Variants in TNS2 observed in about 807,000 individuals in gnomAD.
TNS2 encodes tensin-2.
In TNS2, 77 loss-of-function variants were observed where a neutral mutation model predicts 155.7. The observed-to-expected ratio is 0.49, with a 90% CI of 0.41 to 0.60. The LOEUF (loss-of-function observed/expected upper bound fraction) is 0.60, where lower values mean the gene tolerates loss of function less well. Ranked by LOEUF, TNS2 falls within the 20% of genes least tolerant of loss-of-function variation. The pLI, the probability that TNS2 is intolerant of heterozygous loss-of-function variation, is 0.00. For missense variants in TNS2, 1,703 were observed against 1,868.8 expected, an observed-to-expected ratio of 0.91 and a Z score of 1.64; for synonymous variants, 726 against 763.9, an observed-to-expected ratio of 0.95 and a Z score of 0.82.
At chr12:53,054,607 T>G (rs1023861657) in intron 7 of TNS2, among the ~76,000 whole-genome samples, 166 bp downstream of exon 7, 2 of 152,164 alleles carry the variant, frequency 1.3e-5, no homozygotes, top group Admixed American at 6.5e-5. Flanking sequence ...GAGCGGAGAA[T>G]CCTGGAACGC....
chr12:53,053,527 G>A, intron 4 of TNS2, 78 bp downstream of exon 4: 3 of 1,570,166 alleles, frequency 1.9e-6, no homozygotes, highest in Non-Finnish European at 2.6e-6. Context: ...CTCCAGAGAG[G>A]GCCCCCAGGA....
At chr12:53,047,876 C>T (rs1331777187), upstream of TNS2, among the ~76,000 whole-genome samples, 1 of 152,194 alleles carries the variant, frequency 6.6e-6, no homozygotes, top group Non-Finnish European at 1.5e-5. Flanking sequence ...GAGCCGCCGC[C>T]CTCCCTCGCT....
Position 53,059,566 on chromosome 12 carries a change from G to T in TNS2, c.1925G>T (p.Arg642Leu). The T allele has an allele frequency of 6.3e-7, 1 of 1,598,156 alleles. No homozygotes were observed. ...GYAEASMEKRRLCRSLSEGLY... is the reference protein window; with the variant it reads ...GYAEASMEKRLLCRSLSEGLY... Reference sequence around the variant, plus strand: ...GCCGAGGCCTCGATGGAGAAGAGGCGCCTCTGCCGATCGCTGTCAGAGGGG... The same window carrying T: ...GCCGAGGCCTCGATGGAGAAGAGGCTCCTCTGCCGATCGCTGTCAGAGGGG... The change falls in exon 18 of 29, where the codon CGC becomes CTC. Residue 642 changes from arginine (R) to leucine (L), a missense_variant. By Grantham distance (102) the Arg-to-Leu change is moderately radical. Transcript: ENST00000314250. This position sits in a 1 kb window ranked among gnomAD's most constrained non-coding sequence, Gnocchi z 4.7.
In TNS2 at chr12:53,058,109, G is replaced by A. The variant is rs1465081112; in HGVS notation, c.1095+7G>A. 5 of 1,614,186 alleles carry A rather than the reference G, an allele frequency of 3.1e-6. No homozygotes were observed. The highest frequency in any genetic ancestry group is 1.3e-5 in the African/African-American group (1 of 75,046). On this transcript the variant is annotated splice_region_variant and intron_variant, in intron 14 of 28. Transcript: ENST00000314250. Reference sequence around the variant, plus strand: ...CCTCAAAGGCGATGTCATGGTGAGGGGGGTCCTGTCAACAAGAAGAATCCT... The same window carrying A: ...CCTCAAAGGCGATGTCATGGTGAGGAGGGTCCTGTCAACAAGAAGAATCCT...
rs1944474652 is a variant in TNS2 at position 53,064,232 on chromosome 12, G to A, written c.*350G>A. On this transcript the variant is annotated 3_prime_UTR_variant, in exon 29 of 29. Coordinates refer to ENST00000314250, the MANE Select transcript of TNS2 (RefSeq NM_170754.4). ...CCCTGCCAGTTCCACCCAGCTGCAG[G>A]TGCCAGCACGGCAGGGATGGGAGAG... 1.1e-5 allele frequency: 3 copies of A among 261,966 alleles called. No individual in the cohort carries two copies. The highest frequency in any genetic ancestry group is 2.2e-5 in the Non-Finnish European group (3 of 137,324). The allele number at this position is 261,966 out of a possible 1,614,324, so 16.2% of individuals were successfully genotyped here.
Position 53,058,624 on chromosome 12 carries a change from C to G in TNS2, c.1278C>G (p.Pro426=). Residue 426 remains proline (P), a synonymous_variant, in exon 16 of 29, where the codon CCC becomes CCG. Coordinates refer to ENST00000314250, the MANE Select transcript of TNS2 (RefSeq NM_170754.4). The part of the protein sequence containing the change: ...ASVEFVFSSS[P]EKIKGSTPRN... ...TGGAGTTTGTCTTCTCCTCCAGCCC[C>G]GAGAAGATCAAAGGTAAGAGCAGGG... The G allele has an allele frequency of 6.2e-7, 1 of 1,614,100 alleles. No individual in the cohort carries two copies. Among genetic ancestry groups the G allele is most frequent in the East Asian group, 2.2e-5 (1 of 44,882 alleles).
upstream of TNS2, among the ~76,000 whole-genome samples, chr12:53,047,737 C>T (rs1279361297): frequency 1.3e-5 from 2 of 152,172 alleles, no homozygotes; most frequent in Non-Finnish European, 2.9e-5. Flanking sequence ...GAACGTTTTC[C>T]TTTCCTGCTT....
At chr12:53,057,208 C>A in intron 11 of TNS2, 112 bp downstream of exon 11, 4 of 1,204,582 alleles carry the variant, frequency 3.3e-6, no homozygotes, top group South Asian at 1.4e-5. Flanking sequence ...AAGCGCCGTG[C>A]CAGGTGCTGA....
At position 53,060,462 on chromosome 12, in the gene TNS2, G is replaced by A. The variant is rs767516807; in HGVS notation, c.2675G>A (p.Arg892Gln). ...EGPSGHSTLP[R>Q]SPRDAPCSAS... ...CCCAGTGGGCACAGCACACTGCCTCGGTCTCCCCGAGATGCCCCATGCAGT... is the reference window on the plus strand; with the variant it reads ...CCCAGTGGGCACAGCACACTGCCTCAGTCTCCCCGAGATGCCCCATGCAGT... The change falls in exon 19 of 29, where the codon CGG (arginine) becomes CAG (glutamine). Residue 892 changes from arginine to glutamine, a missense_variant. By Grantham distance (43) the Arg-to-Gln change is conservative. Coordinates refer to ENST00000314250, the MANE Select transcript of TNS2 (RefSeq NM_170754.4). This position sits in a 1 kb window ranked among gnomAD's most constrained non-coding sequence, Gnocchi z 6.1. 4.5e-5 allele frequency: 73 copies of A among 1,613,550 alleles called. No homozygotes were observed. In the Admixed American group the frequency reaches 6.2e-4, roughly 14 times the overall value.
chr12:53,054,042 C>A (rs1944037406), intron 6 of TNS2, 28 bp downstream of exon 6: 1 of 1,613,760 alleles, frequency 6.2e-7, no homozygotes, highest in African/African-American at 1.3e-5. Flanking sequence ...GGTGGTCCCA[C>A]GTGACCCCCT....
chr12:53,049,143 C>A, upstream of TNS2: 2 of 1,555,308 alleles, frequency 1.3e-6, no homozygotes, highest in Non-Finnish European at 1.7e-6. Flanking sequence ...GCCGGAGGCC[C>A]ATGGATGGGG....
intron 2 of TNS2, 75 bp downstream of exon 2, chr12:53,052,038 T>C: frequency 1.7e-6 from 2 of 1,210,416 alleles, no homozygotes; most frequent in Non-Finnish European, 2.4e-6. Context: ...GCAGGCCAGC[T>C]CACACAATCT....
chr12:53,061,506 A>C (rs1944384868), intron 21 of TNS2, 37 bp downstream of exon 21: 1 of 1,604,206 alleles, frequency 6.2e-7, no homozygotes, highest in Non-Finnish European at 8.5e-7. Flanking sequence ...ACTGCATCCC[A>C]CCTTCCAGGG....
At position 53,058,640 on chromosome 12, in the gene TNS2, A is replaced by G. The variant is rs776340459; in HGVS notation, c.1291+3A>G. On this transcript the variant is annotated splice_donor_region_variant and intron_variant, in intron 16 of 28. Transcript: ENST00000314250. The stretch of plus-strand genomic sequence containing the variant: ...CTCCAGCCCCGAGAAGATCAAAGGT[A>G]AGAGCAGGGACATGGGCTGGGGACT... The G allele has an allele frequency of 6.2e-7, 1 of 1,614,010 alleles. No individual in the cohort carries two copies. Among genetic ancestry groups the G allele is most frequent in the Non-Finnish European group, 8.5e-7 (1 of 1,179,956 alleles).
Position 53,057,615 on chromosome 12 carries a change from C to T in TNS2, c.894C>T (p.Asn298=). Residue 298 remains asparagine, a synonymous_variant, in exon 12 of 29, where the codon AAC becomes AAT. Transcript: ENST00000314250. Reference sequence around the variant, plus strand: ...TGCTATCTGGCTCCATCAGAATGAACAGCAGCCCTCTCTTCCTGCACTATG... The same window carrying T: ...TGCTATCTGGCTCCATCAGAATGAATAGCAGCCCTCTCTTCCTGCACTATG... The part of the protein sequence containing the change: ...SGLLSGSIRM[N]SSPLFLHYVL... The T allele has an allele frequency of 6.2e-7, 1 of 1,613,986 alleles. No individual in the cohort carries two copies. Among genetic ancestry groups the T allele is most frequent in the Non-Finnish European group, 8.5e-7 (1 of 1,179,904 alleles).
In TNS2 at chr12:53,059,410, G is replaced by A. The variant is rs762371332; in HGVS notation, c.1769G>A (p.Arg590His). ...CCAGGCCATAGGCCTGGCCTCAGCC[G>A]CCACTGCTCCTGCCGCCAGGGCTAC... ...VYPGHRPGLSRHCSCRQGYRE... is the reference protein window; with the variant it reads ...VYPGHRPGLSHHCSCRQGYRE... The change falls in exon 18 of 29, where the codon CGC (arginine) becomes CAC (histidine). Residue 590 changes from arginine (R) to histidine (H), a missense_variant. By Grantham distance (29) the Arg-to-His change is conservative (BLOSUM62 0). Transcript: ENST00000314250. This position sits in a 1 kb window ranked among gnomAD's most constrained non-coding sequence, Gnocchi z 4.7. 51 of 1,473,596 alleles carry A rather than the reference G, an allele frequency of 3.5e-5. 1 individual carries two copies. The highest frequency in any genetic ancestry group is 1.4e-4 in the South Asian group (10 of 70,920). The allele number at this position is 1,473,596 out of a possible 1,614,324, so 91.3% of individuals were successfully genotyped here. A position where few individuals can be genotyped will look rare whatever the true frequency, so the allele number is the denominator to read the frequency against.
In TNS2 at chr12:53,060,769, G is replaced by C. The variant is rs767484417; in HGVS notation, c.2863G>C (p.Gly955Arg). 19 of 1,612,088 alleles carry C rather than the reference G, an allele frequency of 1.2e-5. No homozygotes were observed. Among genetic ancestry groups the C allele is most frequent in the Admixed American group, 1.7e-5 (1 of 59,894 alleles). The change falls in exon 20 of 29, where the codon GGA becomes CGA. Residue 955 changes from glycine to arginine, a missense_variant. By Grantham distance (125) the Gly-to-Arg change is moderately radical. Transcript: ENST00000314250. This position sits in a 1 kb window ranked among gnomAD's most constrained non-coding sequence, Gnocchi z 6.1. Reference sequence around the variant, plus strand: ...GCCCCCTGTTTCCCAGGCAGGCACCGGAAAGGCCCCTGAGCTGCCGTCGGG... The same window carrying C: ...GCCCCCTGTTTCCCAGGCAGGCACCCGAAAGGCCCCTGAGCTGCCGTCGGG... ...ALPPVSQAGT[G>R]KAPELPSGSG...
chr12:53,053,142 C>G (rs1048665455), intron 3 of TNS2: 1 of 476,612 alleles, frequency 2.1e-6, no homozygotes, highest in Non-Finnish European at 3.8e-6. Flanking sequence ...CTGCTTGGCT[C>G]TATATATAAC....
At position 53,054,435 on chromosome 12, in the gene TNS2, G is replaced by C. The variant is rs568025314; in HGVS notation, c.516G>C (p.Lys172Asn). 140 of 1,601,552 alleles carry C rather than the reference G, an allele frequency of 8.7e-5. No homozygotes were observed. The highest frequency in any genetic ancestry group is 7.6e-4 in the Admixed American group (42 of 55,516). Residue 172 changes from lysine to asparagine, a missense_variant, in exon 7 of 29, where the codon AAG becomes AAC. By Grantham distance (94) the Lys-to-Asn change is moderately conservative (BLOSUM62 0). Coordinates refer to ENST00000314250, the MANE Select transcript of TNS2 (RefSeq NM_170754.4). ...AHVLQSKHRD[K>N]YLLFNLSEKR... Reference sequence around the variant, plus strand: ...TGCTGCAATCCAAGCACCGGGACAAGTACCTGGTGAGGGGCGGGGCCATCA... The same window carrying C: ...TGCTGCAATCCAAGCACCGGGACAACTACCTGGTGAGGGGCGGGGCCATCA...
Sources: allele counts gnomAD v4.1 joint callset (sites outside exome capture counted in the v4.1 genomes callset), GRCh38; gene constraint gnomAD v4.1.1; non-coding constraint Gnocchi (gnomAD v3.1); transcripts MANE v1.5; gene names NCBI Gene and HGNC (gene_info 2026-07-23, HGNC 2026-07-21).